Variants in CPNE4 observed in about 807,000 individuals in gnomAD.
CPNE4 encodes the protein copine-4.
CPNE4 carries 25 observed loss-of-function variants against 67.9 expected under a neutral mutation model. The observed-to-expected ratio is 0.37, with a 90% CI of 0.27 to 0.51. The LOEUF is 0.51. Among genes scored for constraint, CPNE4 ranks in the 20% least tolerant of loss-of-function variants. The probability of loss-of-function intolerance (pLI) is 0.93; values close to 1 mark genes in which losing one functional copy is unlikely to be tolerated. For missense variants in CPNE4, 464 were observed against 690.8 expected (o/e 0.67, Z 3.68); for synonymous variants, 242 against 244.9 (o/e 0.99, Z 0.11).
chr3:132,026,533 C>G (rs985845647), intron 1 of CPNE4, among the ~76,000 whole-genome samples: 1 of 152,140 alleles, frequency 6.6e-6, no homozygotes, highest in Non-Finnish European at 1.5e-5. Flanking sequence ...CCTCTTCCTC[C>G]CAGTTGCCAG....
intron 2 of CPNE4, among the ~76,000 whole-genome samples, chr3:131,824,902 A>G (rs1244356253): frequency 6.6e-6 from 1 of 152,080 alleles, no homozygotes; most frequent in Admixed American, 6.6e-5. Flanking sequence ...GCAGCATGGA[A>G]TCTTGAAGTC....
rs565809060 is a variant in CPNE4 at position 131,689,275 on chromosome 3, G to C, written c.508-3317C>G. ...AATTAGAGGACCTGGTGAATGGGAAGTGTTGAGTCCATTGCCTGGTACACG... is the reference window on the plus strand; with the variant it reads ...AATTAGAGGACCTGGTGAATGGGAACTGTTGAGTCCATTGCCTGGTACACG... On this transcript the variant is annotated intron_variant, in intron 5 of 15. Transcript: ENST00000429747. Among the ~76,000 whole-genome samples, 28 of 152,236 alleles carry C rather than the reference G, an allele frequency of 1.8e-4. No homozygotes were observed. In the East Asian group the frequency reaches 5.4e-3, roughly 29 times the overall value.
intron 14 of CPNE4, among the ~76,000 whole-genome samples, chr3:131,547,051 A>G (rs1031417112): frequency 6.6e-6 from 1 of 152,208 alleles, no homozygotes; most frequent in Admixed American, 6.5e-5. Flanking sequence ...TCTTGCATCT[A>G]TGAAGGTTCA....
At chr3:131,849,176 G>C (rs1007577882) in intron 2 of CPNE4, among the ~76,000 whole-genome samples, 1 of 152,076 alleles carries the variant, frequency 6.6e-6, no homozygotes, top group East Asian at 1.9e-4. Flanking sequence ...CAAGTACAGA[G>C]CATATTTCCC....
chr3:131,575,123 T>C lies in CPNE4; in HGVS notation c.875A>G (p.Lys292Arg), dbSNP rs1937518619. Residue 292 changes from lysine (K) to arginine (R), a missense_variant, in exon 10 of 16, where the codon AAG (lysine) becomes AGG (arginine). Coordinates refer to ENST00000429747, the MANE Select transcript of CPNE4 (RefSeq NM_130808.3). ...GATGTAGTCCAAGAAAGAATGCATC[T>C]TGTGAATCTGCATAGGAGGGGAGAG... ...TVILNLCKIH[K>R]MHSFLDYIMG... The C allele has an allele frequency of 5.6e-6, 9 of 1,612,602 alleles. No individual in the cohort carries two copies. The highest frequency in any genetic ancestry group is 7.6e-6 in the Non-Finnish European group (9 of 1,178,956).
At chr3:131,571,439 A>T (rs1937332283) in intron 10 of CPNE4, among the ~76,000 whole-genome samples, 1 of 152,050 alleles carries the variant, frequency 6.6e-6, no homozygotes, top group African/African-American at 2.4e-5. Flanking sequence ...GATACCTGAA[A>T]GTACCTCTGA....
intron 1 of CPNE4, among the ~76,000 whole-genome samples, chr3:131,963,911 AC>A (rs2072261043): frequency 6.6e-6 from 1 of 152,140 alleles, no homozygotes; most frequent in African/African-American, 2.4e-5. Flanking sequence ...GGTCCCTGAC[AC>A]CCGTGCCTCC....
chr3:131,690,988 T>G (rs1259815420), intron 5 of CPNE4, among the ~76,000 whole-genome samples: 1 of 151,970 alleles, frequency 6.6e-6, no homozygotes, highest in East Asian at 1.9e-4. Flanking sequence ...GAAATGCAAA[T>G]CAAAACCACA....
chr3:131,676,978 C>G (rs945131271), intron 6 of CPNE4, among the ~76,000 whole-genome samples: 9 of 151,862 alleles, frequency 5.9e-5, no homozygotes, highest in African/African-American at 1.9e-4. Context: ...GATGGTTGAA[C>G]TAATTTACAC....
At chr3:131,574,330 C>G (rs1237224023) in intron 10 of CPNE4, among the ~76,000 whole-genome samples, 1 of 152,076 alleles carries the variant, frequency 6.6e-6, no homozygotes, top group Non-Finnish European at 1.5e-5. Flanking sequence ...TCACATCTGA[C>G]CAAACCTAGG....
chr3:131,881,505 T>G (rs2087671940), intron 2 of CPNE4, among the ~76,000 whole-genome samples: 1 of 152,076 alleles, frequency 6.6e-6, no homozygotes, highest in Non-Finnish European at 1.5e-5. Flanking sequence ...CTTGTTCAAT[T>G]ATAGGTGTGT....
At chr3:131,938,762 C>T (rs1194226520) in intron 1 of CPNE4, among the ~76,000 whole-genome samples, 1 of 152,090 alleles carries the variant, frequency 6.6e-6, no homozygotes, top group Non-Finnish European at 1.5e-5. Flanking sequence ...GTCCCTCCCT[C>T]AACACATGAG....
At chr3:131,844,794 C>A (rs184709403) in intron 2 of CPNE4, among the ~76,000 whole-genome samples, 16 of 152,198 alleles carry the variant, frequency 1.1e-4, no homozygotes, top group Admixed American at 5.9e-4. Flanking sequence ...ATTGTAGAAC[C>A]TATATACATA....
chr3:131,921,901 T>C (rs1459333732), intron 1 of CPNE4, among the ~76,000 whole-genome samples: 2 of 152,080 alleles, frequency 1.3e-5, no homozygotes, highest in Admixed American at 6.5e-5. Context: ...AGAGAGGTAA[T>C]ATTTATCAAG....
chr3:131,875,173 A>G (rs577278802), intron 2 of CPNE4, among the ~76,000 whole-genome samples: 1 of 152,320 alleles, frequency 6.6e-6, no homozygotes, highest in Non-Finnish European at 1.5e-5. Context: ...TTTTCTTTAT[A>G]GCATGAGGCA....
intron 2 of CPNE4, among the ~76,000 whole-genome samples, chr3:131,846,322 C>T (rs1245496568): frequency 6.6e-6 from 1 of 152,162 alleles, no homozygotes; most frequent in Non-Finnish European, 1.5e-5. Context: ...TCGCTGGTAT[C>T]TTCTTCTCTC....
At chr3:131,900,374 C>G (rs2088505662) in intron 2 of CPNE4, among the ~76,000 whole-genome samples, 1 of 152,036 alleles carries the variant, frequency 6.6e-6, no homozygotes, top group African/African-American at 2.4e-5. Flanking sequence ...GAAAAGGGAA[C>G]CCTTGTACAC....
chr3:131,689,147 T>C (rs1268797280), intron 5 of CPNE4, among the ~76,000 whole-genome samples: 1 of 152,158 alleles, frequency 6.6e-6, no homozygotes, highest in East Asian at 1.9e-4. Flanking sequence ...CTCTACCACA[T>C]ATAATCTGAA....
At chr3:131,824,393 G>T (rs756795935) in intron 2 of CPNE4, among the ~76,000 whole-genome samples, 1 of 152,146 alleles carries the variant, frequency 6.6e-6, no homozygotes, top group South Asian at 2.1e-4. Flanking sequence ...CTTACCAGGG[G>T]ACTCGAGTAT....
Sources: allele counts gnomAD v4.1 joint callset (sites outside exome capture counted in the v4.1 genomes callset), GRCh38; gene constraint gnomAD v4.1.1; transcripts MANE v1.5; gene names NCBI Gene and HGNC (gene_info 2026-07-23, HGNC 2026-07-21).